The following PRKN variants were observed in gnomAD, a reference collection of about 807,000 sequenced individuals.
PRKN encodes E3 ubiquitin-protein ligase parkin.
A neutral mutation model predicts 59.5 loss-of-function variants in PRKN; 56 were observed. The ratio of observed to expected loss-of-function variants is 0.94; its 90% CI spans 0.76 to 1.18. PRKN has a LOEUF of 1.18. Among genes scored for constraint, PRKN ranks in the 50% most tolerant of loss-of-function variants. The pLI is 0.00. For missense variants in PRKN, 657 were observed against 596.4 expected, an observed-to-expected ratio of 1.10 and a Z score of -1.06; for synonymous variants, 250 against 222.1, an observed-to-expected ratio of 1.13 and a Z score of -1.12.
At position 161,530,640 on chromosome 6, in the gene PRKN, C is replaced by A. The variant is rs1215474860; in HGVS notation, c.1083+18214G>T. Among the ~76,000 whole-genome samples the A allele has an allele frequency of 6.6e-6, 1 of 152,070 alleles. No individual in the cohort carries two copies. Among genetic ancestry groups the A allele is most frequent in the African/African-American group, 2.4e-5 (1 of 41,416 alleles). On this transcript the variant is annotated intron_variant, in intron 9 of 11. Transcript: ENST00000366898. This position sits in a 1 kb window ranked among gnomAD's most constrained non-coding sequence, Gnocchi z 5.0. ...CAAGCGCTTCTCCTGCCTAGCCTCC[C>A]AAGTAGCTGGGATTACAGGCATTTA...
intron 5 of PRKN, among the ~76,000 whole-genome samples, chr6:162,027,856 C>T (rs1256096966): frequency 6.8e-6 from 1 of 147,990 alleles, no homozygotes; most frequent in Non-Finnish European, 1.5e-5. Flanking sequence ...GAAGAAGGGG[C>T]AGAAAAGGAG....
At chr6:162,605,120 AC>A (rs1562428159) in intron 1 of PRKN, among the ~76,000 whole-genome samples, 2 of 152,210 alleles carry the variant, frequency 1.3e-5, no homozygotes, top group Non-Finnish European at 2.9e-5. Flanking sequence ...AGAATCCTTT[AC>A]TTCTAGCTTA....
rs142878058 is a variant in PRKN at position 162,432,118 on chromosome 6, A to T, written c.171+11192T>A. 1.7e-3 allele frequency among the ~76,000 whole-genome samples: 258 copies of T among 152,320 alleles called. 6 individuals carry two copies. The East Asian group carries it at 0.032, about 19-fold the overall frequency. On this transcript the variant is annotated intron_variant, in intron 2 of 11. Coordinates refer to ENST00000366898, the MANE Select transcript of PRKN (RefSeq NM_004562.3). ...ACCAATGTATAATTGGTTAAATCAG[A>T]TACATTATTTCCCCCTCAAAACAAT...
chr6:162,152,778 A>T (rs757731531), intron 4 of PRKN, among the ~76,000 whole-genome samples: 2 of 152,214 alleles, frequency 1.3e-5, no homozygotes, highest in Non-Finnish European at 2.9e-5. Context: ...AGGAAATATC[A>T]GATTGTATCT....
At chr6:161,652,736 A>G (rs543606309) in intron 7 of PRKN, among the ~76,000 whole-genome samples, 1 of 152,354 alleles carries the variant, frequency 6.6e-6, no homozygotes, top group East Asian at 1.9e-4. Context: ...CTAGCTATTT[A>G]TGTGACTTTG....
In PRKN at chr6:161,386,969, C is replaced by T. The variant is rs1786281930; in HGVS notation, c.1084-92G>A. ...TTTTCCAAATTCATTATATTCATTC[C>T]TCTGGCTTGTGCAACAGTTTCTGTA... is the stretch of plus-strand genomic sequence containing the variant. On this transcript the variant is annotated intron_variant, in intron 9 of 11. Transcript: ENST00000366898. This position sits in a 1 kb window ranked among gnomAD's most constrained non-coding sequence, Gnocchi z 4.3. 1.0e-6 allele frequency: 1 copy of T among 992,036 alleles called. No individual in the cohort carries two copies. Among genetic ancestry groups the T allele is most frequent in the Non-Finnish European group, 1.6e-6 (1 of 614,508 alleles). The allele number at this position is 992,036 out of a possible 1,614,324, so 61.5% of individuals were successfully genotyped here. A position where few individuals can be genotyped will look rare whatever the true frequency, so the allele number is the denominator to read the frequency against.
At chr6:162,457,462 T>C (rs1404439214) in intron 1 of PRKN, among the ~76,000 whole-genome samples, 1 of 152,138 alleles carries the variant, frequency 6.6e-6, no homozygotes, top group Non-Finnish European at 1.5e-5. Flanking sequence ...AAACCTATAA[T>C]AAAATTTTTA....
At chr6:161,603,587 G>A (rs980442823) in intron 7 of PRKN, among the ~76,000 whole-genome samples, 2 of 152,086 alleles carry the variant, frequency 1.3e-5, no homozygotes, top group Admixed American at 1.3e-4. Context: ...TCTTCCCTCT[G>A]TGTTCTGAAA....
At chr6:161,874,816 G>GTATAATATATAAAAAATA (rs1794625390) in intron 6 of PRKN, among the ~76,000 whole-genome samples, 1 of 93,560 alleles carries the variant, frequency 1.1e-5, no homozygotes, top group Non-Finnish European at 1.8e-5. Flanking sequence ...TATATAAAAT[G>GTATAATATATAAAAAATA]TATAATATAT....
chr6:161,861,533 GT>G (rs1793897541), intron 6 of PRKN, among the ~76,000 whole-genome samples: 1 of 150,522 alleles, frequency 6.6e-6, no homozygotes. Context: ...CATGGCAAAT[GT>G]ATACCTATGT....
chr6:162,414,584 G>A (rs2128156382), intron 2 of PRKN, among the ~76,000 whole-genome samples: 1 of 150,904 alleles, frequency 6.6e-6, no homozygotes, highest in Middle Eastern at 3.5e-3. Flanking sequence ...GGTTGGTGGT[G>A]CCTGTAGTCC....
intron 6 of PRKN, among the ~76,000 whole-genome samples, chr6:161,835,451 G>A (rs1293241456): frequency 6.6e-6 from 1 of 152,132 alleles, no homozygotes; most frequent in Non-Finnish European, 1.5e-5. Flanking sequence ...GTCACTCTGG[G>A]AGTTACATCT....
At position 161,562,342 on chromosome 6, in the gene PRKN, T is replaced by C. The variant is rs1335755430; in HGVS notation, c.933+7013A>G. On this transcript the variant is annotated intron_variant, in intron 8 of 11. Coordinates refer to ENST00000366898, the MANE Select transcript of PRKN (RefSeq NM_004562.3). The surrounding 1 kb of genome is among the most constrained non-coding windows in gnomAD (Gnocchi z 4.3). ...CCTTCTCAGCTTCCTCAACACCATA[T>C]GGCCCTGGATTGTCTTCTACTTTCC... 1.3e-5 allele frequency among the ~76,000 whole-genome samples: 2 copies of C among 152,218 alleles called. No individual in the cohort carries two copies. The highest frequency in any genetic ancestry group is 2.4e-5 in the African/African-American group (1 of 41,468).
chr6:162,434,703 A>ATT (rs1413259867), intron 2 of PRKN, among the ~76,000 whole-genome samples: 1 of 152,184 alleles, frequency 6.6e-6, no homozygotes, highest in Non-Finnish European at 1.5e-5. Context: ...TGGAATAAAT[A>ATT]TTTACTAATG....
At chr6:162,499,971 T>C (rs1360583681) in intron 1 of PRKN, among the ~76,000 whole-genome samples, 2 of 152,032 alleles carry the variant, frequency 1.3e-5, no homozygotes, top group African/African-American at 2.4e-5. Flanking sequence ...AAACTGACCA[T>C]TTATTTTCTT....
chr6:162,527,696 T>C (rs1479955986), intron 1 of PRKN, among the ~76,000 whole-genome samples: 1 of 152,198 alleles, frequency 6.6e-6, no homozygotes, highest in Admixed American at 6.5e-5. Context: ...TCAGTACATG[T>C]AGACATGGTC....
chr6:162,683,093 A>G (rs1779833204), intron 1 of PRKN, among the ~76,000 whole-genome samples: 1 of 152,182 alleles, frequency 6.6e-6, no homozygotes, highest in Non-Finnish European at 1.5e-5. Flanking sequence ...ACGCATTATT[A>G]TGAATGCAAA....
intron 7 of PRKN, among the ~76,000 whole-genome samples, chr6:161,753,589 G>T (rs1478665141): frequency 6.6e-6 from 1 of 152,214 alleles, no homozygotes; most frequent in Non-Finnish European, 1.5e-5. Flanking sequence ...GAGCATGGGA[G>T]AGGAGAGCAT....
chr6:162,491,324 G>A (rs1348316299), intron 1 of PRKN, among the ~76,000 whole-genome samples: 2 of 151,372 alleles, frequency 1.3e-5, no homozygotes, highest in Non-Finnish European at 2.9e-5. Flanking sequence ...CCACTTTGTA[G>A]GGTGTAAACA....
Sources: allele counts gnomAD v4.1 joint callset (sites outside exome capture counted in the v4.1 genomes callset), GRCh38; gene constraint gnomAD v4.1.1; non-coding constraint Gnocchi (gnomAD v3.1); transcripts MANE v1.5; gene names NCBI Gene and HGNC (gene_info 2026-07-23, HGNC 2026-07-21).